Variants in ACBD6 observed in about 807,000 individuals in gnomAD.
ACBD6 encodes acyl-CoA-binding domain-containing protein 6.
ACBD6 carries 28 observed loss-of-function variants against 37.2 expected under a neutral mutation model. That is an observed-to-expected ratio of 0.75 (90% CI 0.56 to 1.03). ACBD6 has a LOEUF of 1.03. Ranked by LOEUF, ACBD6 falls within the 50% of genes least tolerant of loss-of-function variation. The probability of loss-of-function intolerance (pLI) is 0.00; values close to 1 mark genes in which losing one functional copy is unlikely to be tolerated. For synonymous variants in ACBD6, 113 were observed against 126.8 expected (o/e 0.89, Z 0.73); for missense variants, 340 against 337.4 (o/e 1.01, Z -0.06).
chr1:180,382,453 A>C (rs1009750506), intron 6 of ACBD6, among the ~76,000 whole-genome samples: 1 of 152,170 alleles, frequency 6.6e-6, no homozygotes, highest in Non-Finnish European at 1.5e-5. Context: ...TAGAAAACCT[A>C]GAGAAAATGG....
chr1:180,371,724 A>G (rs1250234354), intron 6 of ACBD6, among the ~76,000 whole-genome samples: 1 of 152,152 alleles, frequency 6.6e-6, no homozygotes, highest in African/African-American at 2.4e-5. Flanking sequence ...TTCATAGAGA[A>G]GAAAACCACT....
intron 6 of ACBD6, among the ~76,000 whole-genome samples, chr1:180,334,042 C>T (rs973765601): frequency 5.3e-5 from 8 of 152,334 alleles, no homozygotes; most frequent in African/African-American, 1.4e-4. Context: ...TGGAGCCCAC[C>T]GCAGCTCAAG....
intron 5 of ACBD6, among the ~76,000 whole-genome samples, chr1:180,412,749 C>T (rs968542930): frequency 2.6e-5 from 4 of 152,100 alleles, no homozygotes; most frequent in Non-Finnish European, 4.4e-5. Context: ...GCCTGTAGTC[C>T]TGGCTACTTG....
At chr1:180,431,066 A>G (rs1349169471) in intron 3 of ACBD6, among the ~76,000 whole-genome samples, 3 of 152,200 alleles carry the variant, frequency 2.0e-5, no homozygotes, top group South Asian at 2.1e-4. Context: ...TTATTATTTA[A>G]TTTGACTGCA....
At chr1:180,383,203 A>T (rs1653726442) in intron 6 of ACBD6, among the ~76,000 whole-genome samples, 1 of 152,202 alleles carries the variant, frequency 6.6e-6, no homozygotes. Context: ...CAATTAGGAA[A>T]GAGAAAGAAA....
intron 5 of ACBD6, among the ~76,000 whole-genome samples, chr1:180,399,048 A>C (rs6664090): frequency 0.015 from 2,280 of 152,294 alleles, 71 homozygotes; most frequent in African/African-American, 0.051. Flanking sequence ...ACAAAGTAGG[A>C]AAACTTCTTC....
chr1:180,288,188 C>T (rs550949741), downstream of ACBD6: 1 of 831,438 alleles, frequency 1.2e-6, no homozygotes, highest in South Asian at 1.7e-5. Flanking sequence ...ACTGTACTGC[C>T]TAGAATGTAT....
At chr1:180,458,788 A>T (rs1320029361) in intron 3 of ACBD6, among the ~76,000 whole-genome samples, 2 of 152,224 alleles carry the variant, frequency 1.3e-5, no homozygotes, top group African/African-American at 4.8e-5. Flanking sequence ...AGAAGTACAT[A>T]CTACAAAGGA....
At chr1:180,328,561 C>T (rs73046442) in intron 6 of ACBD6, among the ~76,000 whole-genome samples, 4,056 of 151,518 alleles carry the variant, frequency 0.027, 162 homozygotes, top group African/African-American at 0.069. Flanking sequence ...ATATGGCTAA[C>T]GAGAAAATTT....
intron 3 of ACBD6, among the ~76,000 whole-genome samples, chr1:180,463,751 C>T (rs1650239570): frequency 6.6e-6 from 1 of 152,016 alleles, no homozygotes; most frequent in African/African-American, 2.4e-5. Flanking sequence ...AGAGACACAA[C>T]AAAAAAAGAA....
intron 7 of ACBD6, among the ~76,000 whole-genome samples, chr1:180,295,552 T>C (rs1649885497): frequency 6.6e-6 from 1 of 152,140 alleles, no homozygotes; most frequent in South Asian, 2.1e-4. Context: ...GGCAACTCTA[T>C]ATTTAAGCAA....
At chr1:180,471,262 A>G (rs1591898) in intron 3 of ACBD6, among the ~76,000 whole-genome samples, 145,327 of 152,158 alleles carry the variant, frequency 0.96, 69,468 homozygotes, top group African/African-American at 0.99. Flanking sequence ...TTAGCCAGGC[A>G]TGGTAGCATG....
At chr1:180,339,232 G>A (rs1363095895) in intron 6 of ACBD6, among the ~76,000 whole-genome samples, 8 of 152,128 alleles carry the variant, frequency 5.3e-5, no homozygotes, top group East Asian at 1.9e-4. Context: ...ACATGCACAC[G>A]TATGTTTACT....
chr1:180,477,670 A>G (rs1650853293), intron 3 of ACBD6, among the ~76,000 whole-genome samples: 1 of 152,218 alleles, frequency 6.6e-6, no homozygotes, highest in Admixed American at 6.5e-5. Context: ...CACACAGGTT[A>G]CTTTTTTACT....
intron 6 of ACBD6, among the ~76,000 whole-genome samples, chr1:180,341,445 A>T (rs1206167293): frequency 6.6e-6 from 1 of 152,068 alleles, no homozygotes; most frequent in African/African-American, 2.4e-5. Context: ...GAAAACAGGG[A>T]TTATCTTGAG....
chr1:180,337,741 A>T (rs1363299843), intron 6 of ACBD6, among the ~76,000 whole-genome samples: 1 of 152,330 alleles, frequency 6.6e-6, no homozygotes, highest in African/African-American at 2.4e-5. Context: ...ACATGATTGT[A>T]TATCTAGAAA....
chr1:180,348,153 A>G (rs1331549034), intron 6 of ACBD6, among the ~76,000 whole-genome samples: 1 of 152,222 alleles, frequency 6.6e-6, no homozygotes, highest in African/African-American at 2.4e-5. Flanking sequence ...GAAAAATATA[A>G]TGAAAGAAAA....
At chr1:180,429,630 T>C (rs1423641696) in intron 4 of ACBD6, among the ~76,000 whole-genome samples, 1 of 152,224 alleles carries the variant, frequency 6.6e-6, no homozygotes, top group African/African-American at 2.4e-5. Context: ...GTGGATCATA[T>C]GGTAATTCTA....
At chr1:180,384,949 G>C (rs901104058) in intron 6 of ACBD6, among the ~76,000 whole-genome samples, 6 of 152,106 alleles carry the variant, frequency 3.9e-5, no homozygotes, top group African/African-American at 1.4e-4. Flanking sequence ...AGCTAAAAAA[G>C]TTGATCTCAT....
Sources: allele counts gnomAD v4.1 joint callset (sites outside exome capture counted in the v4.1 genomes callset), GRCh38; gene constraint gnomAD v4.1.1; transcripts MANE v1.5; gene names NCBI Gene and HGNC (gene_info 2026-07-23, HGNC 2026-07-21).